GLIS3: variants seen among roughly 807,000 people sequenced by gnomAD.
GLIS3 encodes the protein zinc finger protein GLIS3.
In GLIS3, 53 loss-of-function variants were observed where a neutral mutation model predicts 78.6. The observed-to-expected ratio is 0.67, with a 90% CI of 0.54 to 0.85. GLIS3 has a LOEUF of 0.85. Ranked by LOEUF, GLIS3 falls within the 40% of genes least tolerant of loss-of-function variation. GLIS3 has a pLI of 0.00. For synonymous variants in GLIS3, 684 were observed against 509.9 expected, an observed-to-expected ratio of 1.34 and a Z score of -4.60; for missense variants, 1,703 against 1,231.1, an observed-to-expected ratio of 1.38 and a Z score of -5.74.
intron 2 of GLIS3, among the ~76,000 whole-genome samples, chr9:4,206,160 C>G (rs1322118273): frequency 1.3e-5 from 2 of 152,108 alleles, no homozygotes; most frequent in Non-Finnish European, 1.5e-5. Flanking sequence ...CTAAGAAAAT[C>G]TATAACAGAA....
chr9:4,398,844 A>G, the GLIS3 span, among the ~76,000 whole-genome samples: 1 of 152,122 alleles, frequency 6.6e-6, no homozygotes, highest in African/African-American at 2.4e-5. Flanking sequence ...GCCCACCAAC[A>G]TGCCTGGCTA....
At chr9:4,342,727 G>A (rs556682694) in intron 2 of GLIS3, among the ~76,000 whole-genome samples, 65 of 152,320 alleles carry the variant, frequency 4.3e-4, no homozygotes, top group African/African-American at 1.5e-3. Flanking sequence ...TCCAATCCAT[G>A]AGCATGGCAT....
the GLIS3 span, among the ~76,000 whole-genome samples, chr9:4,397,557 T>C: frequency 1.3e-5 from 2 of 151,438 alleles, no homozygotes; most frequent in Admixed American, 6.6e-5. Flanking sequence ...AAGGCTAGTG[T>C]AACCCTGCTG....
In GLIS3 at chr9:4,279,297, CAAAAA is replaced by C. The variant is rs56734583; in HGVS notation, c.388+6736_388+6740del. 6.0e-3 allele frequency among the ~76,000 whole-genome samples: 553 copies of C among 91,988 alleles called. 29 individuals carry two copies. The highest frequency in any genetic ancestry group is 9.0e-3 in the Non-Finnish European group (429 of 47,872). 60.3% of individuals were successfully genotyped at this position (91,988 alleles called of 152,430 possible). A position where few individuals can be genotyped will look rare whatever the true frequency, so the allele number is the denominator to read the frequency against. On this transcript the variant is annotated intron_variant, in intron 2 of 10. Transcript: ENST00000381971. ...TGGGCAACAGAGCAAGACTCCATCT[CAAAAA>C]AAAAAAAAAAAAATATATATATACA... is the stretch of plus-strand genomic sequence containing the variant.
the GLIS3 span, among the ~76,000 whole-genome samples, chr9:4,357,835 T>C: frequency 6.6e-6 from 1 of 152,154 alleles, no homozygotes; most frequent in Non-Finnish European, 1.5e-5. Context: ...GGAGGCACCA[T>C]TCCCATTGAA....
At chr9:4,090,952 T>C (rs10974329) in intron 4 of GLIS3, among the ~76,000 whole-genome samples, 43,566 of 152,140 alleles carry the variant, frequency 0.29, 6,876 homozygotes, top group East Asian at 0.47. Flanking sequence ...TTTTCTAACT[T>C]AGGTAAGTTC....
chr9:3,889,996 A>C (rs1822325807), intron 7 of GLIS3, among the ~76,000 whole-genome samples: 1 of 152,174 alleles, frequency 6.6e-6, no homozygotes, highest in African/African-American at 2.4e-5. Flanking sequence ...AGTCAAGAAC[A>C]GTTTTTTTAG....
intron 4 of GLIS3, among the ~76,000 whole-genome samples, chr9:4,016,775 C>G (rs1286909716): frequency 2.0e-5 from 3 of 152,210 alleles, no homozygotes; most frequent in African/African-American, 7.2e-5. Context: ...CTCACCAAAT[C>G]TGTCAGGTTT....
the GLIS3 span, among the ~76,000 whole-genome samples, chr9:4,368,430 C>A: frequency 6.6e-6 from 1 of 151,878 alleles, no homozygotes; most frequent in Non-Finnish European, 1.5e-5. Flanking sequence ...CTGCAAGCTC[C>A]GCTTCCCGGG....
At chr9:4,021,193 A>G (rs1334782184) in intron 4 of GLIS3, among the ~76,000 whole-genome samples, 1 of 152,076 alleles carries the variant, frequency 6.6e-6, no homozygotes, top group Non-Finnish European at 1.5e-5. Context: ...ATGTGTATAC[A>G]CACTATATGA....
intron 2 of GLIS3, among the ~76,000 whole-genome samples, chr9:4,159,148 G>A (rs1031314192): frequency 6.6e-6 from 1 of 151,778 alleles, no homozygotes; most frequent in Admixed American, 6.6e-5. Context: ...AGCTCCTTGA[G>A]AACAGGGCCT....
chr9:4,141,870 T>C (rs1833842295), intron 2 of GLIS3, among the ~76,000 whole-genome samples: 1 of 152,246 alleles, frequency 6.6e-6, no homozygotes. Flanking sequence ...CTACATAATG[T>C]AATTCCCTTC....
intron 9 of GLIS3, among the ~76,000 whole-genome samples, chr9:3,838,476 G>C (rs992359020): frequency 6.6e-6 from 1 of 152,152 alleles, no homozygotes; most frequent in Non-Finnish European, 1.5e-5. Context: ...AGGAAGGTTT[G>C]CTGAATCCAG....
chr9:4,385,976 A>C, the GLIS3 span, among the ~76,000 whole-genome samples: 1 of 152,194 alleles, frequency 6.6e-6, no homozygotes, highest in Non-Finnish European at 1.5e-5. Context: ...ACACAAAGAA[A>C]TATATTGAGA....
chr9:4,077,491 A>G (rs1159779703), intron 4 of GLIS3, among the ~76,000 whole-genome samples: 1 of 152,220 alleles, frequency 6.6e-6, no homozygotes, highest in African/African-American at 2.4e-5. Context: ...AAAAAAGGAA[A>G]GAGATTTTGT....
At chr9:4,257,698 C>A (rs1825106760) in intron 2 of GLIS3, among the ~76,000 whole-genome samples, 1 of 151,810 alleles carries the variant, frequency 6.6e-6, no homozygotes, top group Non-Finnish European at 1.5e-5. Flanking sequence ...CTCAGCCTCC[C>A]AAGTAGCTGG....
In GLIS3 at chr9:3,828,400, A is replaced by G; in HGVS notation, c.2665T>C (p.Leu889=). The G allele has an allele frequency of 6.2e-7, 1 of 1,613,226 alleles. No individual in the cohort carries two copies. The highest frequency in any genetic ancestry group is 1.1e-5 in the South Asian group (1 of 91,034). The change falls in exon 11 of 11, where the codon TTA becomes CTA. Residue 889 remains leucine, a synonymous_variant. Transcript: ENST00000381971. ...AAGAGGCTCGAGGAACTTGAAGGTA[A>G]ATCATACACTGGAAGAGAAAGAACG... ...STHSGITVYD[L]PSSSSSLFGE... is the part of the protein sequence containing the mutation.
chr9:4,013,391 T>C (rs962373694), intron 4 of GLIS3, among the ~76,000 whole-genome samples: 1 of 152,204 alleles, frequency 6.6e-6, no homozygotes, highest in Non-Finnish European at 1.5e-5. Context: ...AAGGAAGCTG[T>C]AATAATTATG....
At chr9:3,829,559 C>T in intron 9 of GLIS3, 67 bp from the exon 10 acceptor site, 2 of 1,535,556 alleles carry the variant, frequency 1.3e-6, no homozygotes, top group Admixed American at 1.7e-5. Context: ...CATTCCAACC[C>T]AGCTAGAACC....
Sources: gnomAD v4.1 joint callset for allele counts (sites outside exome capture counted in the v4.1 genomes callset) on GRCh38, gnomAD v4.1.1 for gene constraint, MANE v1.5 for transcripts, NCBI Gene and HGNC (gene_info 2026-07-23, HGNC 2026-07-21) for gene names.